The following CDH13 variants were observed in gnomAD, a reference collection of about 807,000 sequenced individuals.
CDH13 encodes cadherin 13, also known as cadherin-13.
Under a neutral mutation model 63.8 loss-of-function variants are expected in CDH13, and 24 were observed. The ratio of observed to expected loss-of-function variants is 0.38; its 90% CI spans 0.27 to 0.53. The LOEUF is 0.53. Among genes scored for constraint, CDH13 ranks in the 20% least tolerant of loss-of-function variants. The pLI is 0.85. For missense variants in CDH13, 1,049 were observed against 903.1 expected (o/e 1.16, Z -2.07); for synonymous variants, 503 against 355.3 (o/e 1.42, Z -4.67).
intron 1 of CDH13, among the ~76,000 whole-genome samples, chr16:82,755,752 G>A (rs531515327): frequency 2.0e-5 from 3 of 152,316 alleles, no homozygotes; most frequent in South Asian, 4.1e-4. Flanking sequence ...ACTAGAATCC[G>A]TTGTGGCGGG....
chr16:83,433,961 T>G (rs2072207550), intron 6 of CDH13, among the ~76,000 whole-genome samples: 1 of 152,188 alleles, frequency 6.6e-6, no homozygotes, highest in Non-Finnish European at 1.5e-5. Context: ...ATCAATCTTT[T>G]CTATTACTTA....
At chr16:82,743,258 G>T (rs1049588176) in intron 1 of CDH13, among the ~76,000 whole-genome samples, 2 of 152,060 alleles carry the variant, frequency 1.3e-5, no homozygotes, top group South Asian at 2.1e-4. Flanking sequence ...ACAGGGTCTC[G>T]CTCTGCTGCC....
chr16:83,014,802 A>ATGTATATATATTTGTATATATATATT (rs755759605), intron 2 of CDH13, among the ~76,000 whole-genome samples: 4 of 65,372 alleles, frequency 6.1e-5, no homozygotes, highest in Non-Finnish European at 1.1e-4. Context: ...GTATATATAT[A>ATGTATATATATTTGTATATATATATT]TGTATATATA....
At chr16:83,335,419 C>G (rs1470966556) in intron 5 of CDH13, among the ~76,000 whole-genome samples, 1 of 151,926 alleles carries the variant, frequency 6.6e-6, no homozygotes, top group African/African-American at 2.4e-5. Context: ...GTTCCTTTGT[C>G]TGAACTTACA....
intron 1 of CDH13, among the ~76,000 whole-genome samples, chr16:82,632,210 C>G (rs1169518074): frequency 6.6e-6 from 1 of 152,190 alleles, no homozygotes; most frequent in Admixed American, 6.5e-5. Flanking sequence ...TCTGTGCTCA[C>G]TAATTTTGCC....
At chr16:83,280,206 C>G (rs999735330) in intron 5 of CDH13, among the ~76,000 whole-genome samples, 4 of 152,182 alleles carry the variant, frequency 2.6e-5, no homozygotes, top group African/African-American at 9.7e-5. Context: ...GAACTTGTTC[C>G]AAAATTGGAG....
At chr16:83,391,030 C>G (rs2091775478) in intron 6 of CDH13, among the ~76,000 whole-genome samples, 1 of 152,156 alleles carries the variant, frequency 6.6e-6, no homozygotes, top group Admixed American at 6.5e-5. Flanking sequence ...GTACAACGAA[C>G]AGTATCTACT....
intron 7 of CDH13, among the ~76,000 whole-genome samples, chr16:83,598,842 A>G (rs1456315957): frequency 2.0e-5 from 3 of 152,206 alleles, no homozygotes; most frequent in East Asian, 1.9e-4. Flanking sequence ...CTCCAGATGG[A>G]TGCCCTAACC....
chr16:83,218,283 C>A (rs1010457059), intron 5 of CDH13, among the ~76,000 whole-genome samples: 4 of 152,098 alleles, frequency 2.6e-5, no homozygotes, highest in African/African-American at 9.7e-5. Context: ...TAGTAAAGTC[C>A]CCACCCTCCA....
At chr16:82,645,999 A>C (rs1910050017) in intron 1 of CDH13, among the ~76,000 whole-genome samples, 1 of 152,224 alleles carries the variant, frequency 6.6e-6, no homozygotes. Context: ...TTGCATCTCT[A>C]CTGGACAAAA....
At chr16:83,605,969 A>G (rs1253322259) in intron 8 of CDH13, among the ~76,000 whole-genome samples, 2 of 152,334 alleles carry the variant, frequency 1.3e-5, no homozygotes, top group East Asian at 3.9e-4. Context: ...AGAGAGACCA[A>G]GAGAAACCTG....
Position 82,705,038 on chromosome 16 carries a change from G to A in CDH13, c.45+77901G>A, listed in dbSNP as rs1300108717. 32 of 421,156 alleles carry A rather than the reference G, an allele frequency of 7.6e-5. 1 individual carries two copies. The East Asian group carries it at 1.5e-3, about 20-fold the overall frequency. 26.1% of individuals were successfully genotyped at this position (421,156 alleles called of 1,614,324 possible). On this transcript the variant is annotated intron_variant, in intron 1 of 13. Transcript: ENST00000567109. ...ATTGCCACTGGACGGGAAAATAAAC[G>A]GTTTCTTCTTTTTATTCTTGTAGAC...
intron 5 of CDH13, among the ~76,000 whole-genome samples, chr16:83,330,781 C>G (rs973089016): frequency 6.6e-6 from 1 of 152,186 alleles, no homozygotes; most frequent in Non-Finnish European, 1.5e-5. Context: ...AAGGTTGGAA[C>G]AGGGGACTTG....
intron 6 of CDH13, among the ~76,000 whole-genome samples, chr16:83,382,095 G>C (rs2091578893): frequency 6.6e-6 from 1 of 152,156 alleles, no homozygotes; most frequent in African/African-American, 2.4e-5. Context: ...CTTATTGTGT[G>C]GTTGTGAGTA....
chr16:83,732,476 A>G (rs1454622733), intron 10 of CDH13, among the ~76,000 whole-genome samples: 1 of 152,200 alleles, frequency 6.6e-6, no homozygotes, highest in Non-Finnish European at 1.5e-5. Context: ...TGAAGCCTGA[A>G]AGGGACATGA....
At chr16:83,489,036 G>A (rs1598138905) in intron 7 of CDH13, among the ~76,000 whole-genome samples, 1 of 152,082 alleles carries the variant, frequency 6.6e-6, no homozygotes, top group Non-Finnish European at 1.5e-5. Context: ...ACACACACAT[G>A]CCAGCTTTTC....
intron 4 of CDH13, among the ~76,000 whole-genome samples, chr16:83,177,763 A>G (rs908971262): frequency 6.6e-6 from 1 of 152,224 alleles, no homozygotes; most frequent in African/African-American, 2.4e-5. Context: ...AAATGGCTTA[A>G]GAACAAGAGA....
intron 7 of CDH13, among the ~76,000 whole-genome samples, chr16:83,544,308 A>G (rs915902984): frequency 6.6e-6 from 1 of 152,180 alleles, no homozygotes; most frequent in Non-Finnish European, 1.5e-5. Flanking sequence ...ATCCCTGTGT[A>G]GTCTGGGTTT....
In CDH13 at chr16:83,670,872, C is replaced by T; in HGVS notation, c.1184C>T (p.Ala395Val). The T allele has an allele frequency of 6.2e-7, 1 of 1,613,678 alleles. No individual in the cohort carries two copies. The highest frequency in any genetic ancestry group is 8.5e-7 in the Non-Finnish European group (1 of 1,179,586). Residue 395 changes from alanine (A) to valine (V), a missense_variant, in exon 9 of 14, where the codon GCA becomes GTA. Ala to Val is a moderately conservative substitution (Grantham distance 64, BLOSUM62 0). Transcript: ENST00000567109. ...GATAAGGATGACCCCACCACAGGTG[C>T]ATGGAGGGCTGCCTACACCATCATC... Reference protein sequence around the residue: ...VEDKDDPTTGAWRAAYTIING... With the variant: ...VEDKDDPTTGVWRAAYTIING...
Sources: allele counts gnomAD v4.1 joint callset (sites outside exome capture counted in the v4.1 genomes callset), GRCh38; gene constraint gnomAD v4.1.1; transcripts MANE v1.5; gene names NCBI Gene and HGNC (gene_info 2026-07-23, HGNC 2026-07-21).